The following C10orf90 variants were observed in gnomAD, a reference collection of about 807,000 sequenced individuals.
C10orf90 encodes the protein chromosome 10 open reading frame 90.
Under a neutral mutation model 62.5 loss-of-function variants are expected in C10orf90, and 56 were observed. The ratio of observed to expected loss-of-function variants is 0.90; its 90% CI spans 0.72 to 1.12. The LOEUF (loss-of-function observed/expected upper bound fraction) is 1.12, where lower values mean the gene tolerates loss of function less well. Among genes scored for constraint, C10orf90 ranks in the 50% most tolerant of loss-of-function variants. C10orf90 has a pLI of 0.00. For missense variants in C10orf90, 970 were observed against 880.4 expected (o/e 1.10, Z -1.29); for synonymous variants, 386 against 340.4 (o/e 1.13, Z -1.47).
At chr10:126,633,089 T>C (rs1163797624) in intron 2 of C10orf90, among the ~76,000 whole-genome samples, 2 of 152,218 alleles carry the variant, frequency 1.3e-5, no homozygotes, top group African/African-American at 4.8e-5. Flanking sequence ...TGGATCTACA[T>C]GGCACCTTCT....
chr10:126,560,003 G>T (rs927288223), intron 2 of C10orf90, among the ~76,000 whole-genome samples: 42 of 152,138 alleles, frequency 2.8e-4, no homozygotes, highest in African/African-American at 9.7e-4. Flanking sequence ...CAAGTTCTAG[G>T]CCTCTTTCCT....
chr10:126,522,173 C>G (rs903680208), intron 2 of C10orf90, among the ~76,000 whole-genome samples: 5 of 152,220 alleles, frequency 3.3e-5, no homozygotes, highest in African/African-American at 4.8e-5. Flanking sequence ...GAGGCTGAGA[C>G]AGGACAATCG....
intron 2 of C10orf90, among the ~76,000 whole-genome samples, chr10:126,618,222 C>T (rs73386880): frequency 0.048 from 7,381 of 152,272 alleles, 529 homozygotes; most frequent in African/African-American, 0.16. Context: ...CTACCATCAA[C>T]TGTCAAGTGC....
intron 3 of C10orf90, among the ~76,000 whole-genome samples, chr10:126,505,749 G>A (rs1223502499): frequency 2.6e-5 from 4 of 152,174 alleles, no homozygotes; most frequent in Non-Finnish European, 5.9e-5. Flanking sequence ...GAGGTCGTGA[G>A]TTTGAGACCA....
At chr10:126,501,313 G>A (rs776391194) in intron 4 of C10orf90, among the ~76,000 whole-genome samples, 8 of 152,198 alleles carry the variant, frequency 5.3e-5, no homozygotes, top group African/African-American at 7.2e-5. Flanking sequence ...CTACAGCATG[G>A]ACAGATGTGC....
chr10:126,502,856 G>T lies in C10orf90; in HGVS notation c.1534+1101C>A, dbSNP rs74375644. On this transcript the variant is annotated intron_variant, in intron 4 of 9. Coordinates refer to ENST00000488181, the MANE Select transcript of C10orf90 (RefSeq NM_001350921.2). ...AAGTCTGTAAGACATGCATTTCAAT[G>T]GTTTAATCAATCTGAAAGCCATGCC... 232 of 511,054 alleles carry T rather than the reference G, an allele frequency of 4.5e-4. 2 individuals are homozygous for T. The East Asian group carries it at 4.8e-3, about 11-fold the overall frequency. 31.7% of individuals were successfully genotyped at this position (511,054 alleles called of 1,614,324 possible).
chr10:126,489,303 A>G (rs1417578847), intron 4 of C10orf90, among the ~76,000 whole-genome samples: 1 of 152,182 alleles, frequency 6.6e-6, no homozygotes, highest in African/African-American at 2.4e-5. Flanking sequence ...CATAAAAAGC[A>G]CTTGTCAGTA....
At position 126,602,853 on chromosome 10, in the gene C10orf90, C is replaced by A. The variant is rs549517324; in HGVS notation, c.313+43712G>T. Among the ~76,000 whole-genome samples, 14 of 149,704 alleles carry A rather than the reference C, an allele frequency of 9.4e-5. No individual in the cohort carries two copies. The South Asian group carries it at 2.9e-3, about 31-fold the overall frequency. ...TGGATTCCATGAAATGTGGTCATGT[C>A]TATTCATCCTCTTGTTGAAATACAT... On this transcript the variant is annotated intron_variant, in intron 2 of 9. Transcript: ENST00000488181.
chr10:126,451,154 G>A (rs747246212), intron 7 of C10orf90, among the ~76,000 whole-genome samples: 7 of 152,126 alleles, frequency 4.6e-5, no homozygotes, highest in Non-Finnish European at 1.0e-4. Flanking sequence ...ACCTCACACC[G>A]GTTAGTATGG....
At chr10:126,603,219 C>G (rs528624082) in intron 2 of C10orf90, among the ~76,000 whole-genome samples, 1 of 152,124 alleles carries the variant, frequency 6.6e-6, no homozygotes, top group Non-Finnish European at 1.5e-5. Context: ...TGACTCACAA[C>G]CCCTTAGGGC....
At chr10:126,430,105 C>T (rs889730629) in intron 7 of C10orf90, among the ~76,000 whole-genome samples, 10 of 152,186 alleles carry the variant, frequency 6.6e-5, no homozygotes, top group Non-Finnish European at 1.3e-4. Flanking sequence ...TTATGGAGAG[C>T]AACACCTTTG....
At chr10:126,545,336 C>T (rs1268912581) in intron 2 of C10orf90, among the ~76,000 whole-genome samples, 1 of 152,184 alleles carries the variant, frequency 6.6e-6, no homozygotes. Flanking sequence ...CCTTCTTGGT[C>T]AATGTGTCCC....
chr10:126,567,230 TG>T (rs1591106358), intron 2 of C10orf90, among the ~76,000 whole-genome samples: 1 of 152,180 alleles, frequency 6.6e-6, no homozygotes, highest in Non-Finnish European at 1.5e-5. Context: ...GTAGCATGGC[TG>T]GGAAAGCCTC....
At chr10:126,465,058 A>G (rs2133743059) in intron 4 of C10orf90, 72 bp from the exon 5 acceptor site, 1 of 1,498,018 alleles carries the variant, frequency 6.7e-7, no homozygotes, top group Non-Finnish European at 9.1e-7. Context: ...TCTACCGCAC[A>G]TGGTGCTTTT....
chr10:126,610,924 A>C (rs1845418854), intron 2 of C10orf90, among the ~76,000 whole-genome samples: 1 of 152,112 alleles, frequency 6.6e-6, no homozygotes, highest in South Asian at 2.1e-4. Context: ...GAGTCTCTAT[A>C]TTCTATTTTT....
intron 2 of C10orf90, among the ~76,000 whole-genome samples, chr10:126,536,306 A>G (rs954279093): frequency 2.6e-5 from 4 of 152,182 alleles, no homozygotes; most frequent in African/African-American, 9.7e-5. Flanking sequence ...CTGTCATGGT[A>G]AAACACAGAT....
intron 2 of C10orf90, among the ~76,000 whole-genome samples, chr10:126,617,857 T>C (rs1047934961): frequency 1.3e-5 from 2 of 152,338 alleles, no homozygotes; most frequent in East Asian, 1.9e-4. Context: ...GAATAGATTA[T>C]ACAGTCGGAG....
In C10orf90 at chr10:126,539,149, C is replaced by T. The variant is rs189865817; in HGVS notation, c.314-25210G>A. 7.9e-5 allele frequency among the ~76,000 whole-genome samples: 12 copies of T among 152,302 alleles called. No individual in the cohort carries two copies. In the South Asian group the frequency reaches 8.3e-4, roughly 11 times the overall value. On this transcript the variant is annotated intron_variant, in intron 2 of 9. Transcript: ENST00000488181. ...AGACAGCAGGCAGGGACCTTTCCACCGCAGTGGCAGATCAGGAGACTTCAG... is the reference window on the plus strand; with the variant it reads ...AGACAGCAGGCAGGGACCTTTCCACTGCAGTGGCAGATCAGGAGACTTCAG...
chr10:126,505,110 T>A (rs367690932), intron 3 of C10orf90, 25 bp from the exon 4 acceptor site: 3 of 1,582,008 alleles, frequency 1.9e-6, no homozygotes, highest in Non-Finnish European at 1.7e-6. Context: ...AGATCCCGAT[T>A]ATTCAAGCAG....
Sources: gnomAD v4.1 joint callset for allele counts (sites outside exome capture counted in the v4.1 genomes callset) on GRCh38, gnomAD v4.1.1 for gene constraint, MANE v1.5 for transcripts, NCBI Gene and HGNC (gene_info 2026-07-23, HGNC 2026-07-21) for gene names.